Variants in TENM3 observed in about 807,000 individuals in gnomAD.
TENM3 encodes the protein teneurin transmembrane protein 3, also known as teneurin-3.
In TENM3, 63 loss-of-function variants were observed where a neutral mutation model predicts 255.1. The ratio of observed to expected loss-of-function variants is 0.25; its 90% CI spans 0.20 to 0.30. The LOEUF (loss-of-function observed/expected upper bound fraction) is 0.30. TENM3 is among the 10% of genes least tolerant of loss of function. The pLI is 1.00. For missense variants in TENM3, 2,929 were observed against 3,461.1 expected (o/e 0.85, Z 3.86); for synonymous variants, 1,306 against 1,322.3 (o/e 0.99, Z 0.27).
chr4:181,930,783 C>T, the TENM3 span, among the ~76,000 whole-genome samples: 370 of 152,230 alleles, frequency 2.4e-3, 2 homozygotes, highest in African/African-American at 8.3e-3. Context: ...ACTGGCAAAC[C>T]GAATCCAGCA....
At chr4:182,768,688 A>C (rs1490852048) in intron 22 of TENM3, among the ~76,000 whole-genome samples, 3 of 152,214 alleles carry the variant, frequency 2.0e-5, no homozygotes, top group African/African-American at 7.2e-5. Context: ...CCCACTACTT[A>C]GGAAACTTTA....
chr4:181,523,850 A>G, the TENM3 span, among the ~76,000 whole-genome samples: 15 of 152,226 alleles, frequency 9.9e-5, no homozygotes, highest in Non-Finnish European at 2.1e-4. Flanking sequence ...GCTACACAGA[A>G]AACCATCCTA....
intron 5 of TENM3, among the ~76,000 whole-genome samples, chr4:182,629,834 A>G (rs7669982): frequency 0.13 from 19,743 of 152,224 alleles, 1,991 homozygotes; most frequent in East Asian, 0.42. Flanking sequence ...TCCACTGGCT[A>G]CAATACTCCT....
chr4:182,064,498 GC>G, the TENM3 span, among the ~76,000 whole-genome samples: 6 of 152,072 alleles, frequency 3.9e-5, no homozygotes, highest in East Asian at 1.2e-3. Flanking sequence ...CAGGAGAATG[GC>G]GTGAACCCGG....
chr4:182,774,232 A>C (rs1325260577), intron 23 of TENM3, among the ~76,000 whole-genome samples: 1 of 152,206 alleles, frequency 6.6e-6, no homozygotes, highest in Non-Finnish European at 1.5e-5. Context: ...AACTCTAAGA[A>C]TAATTACTAA....
At chr4:182,416,518 T>C (rs1770371833) in intron 3 of TENM3, among the ~76,000 whole-genome samples, 1 of 152,230 alleles carries the variant, frequency 6.6e-6, no homozygotes, top group Non-Finnish European at 1.5e-5. Flanking sequence ...ATGATTGTTT[T>C]TATTTCAGTT....
chr4:182,196,748 T>C lies in TENM3; in HGVS notation c.-76+51994T>C, dbSNP rs1220716923. Among the ~76,000 whole-genome samples the C allele has an allele frequency of 2.6e-5, 4 of 152,214 alleles. No individual in the cohort carries two copies. In the East Asian group the frequency reaches 7.7e-4, roughly 29 times the overall value. On this transcript the variant is annotated intron_variant, in intron 1 of 2. Coordinates refer to the TENM3 transcript ENST00000512480. ...ATCATTAAAGTTTTTCTTTTTCTTC[T>C]TTGTAACATTTTCTACACATTTGAA...
intron 3 of TENM3, among the ~76,000 whole-genome samples, chr4:182,369,678 C>G (rs1180525890): frequency 6.6e-6 from 1 of 152,046 alleles, no homozygotes; most frequent in Non-Finnish European, 1.5e-5. Context: ...GTCAGGAGCT[C>G]GAGACCAGCT....
the TENM3 span, among the ~76,000 whole-genome samples, chr4:181,644,488 T>C: frequency 6.6e-6 from 1 of 152,024 alleles, no homozygotes; most frequent in Non-Finnish European, 1.5e-5. Flanking sequence ...AGATGAAAGA[T>C]AATCAAATTC....
chr4:182,482,141 A>G (rs1049894836), intron 3 of TENM3, among the ~76,000 whole-genome samples: 2 of 152,232 alleles, frequency 1.3e-5, no homozygotes, highest in Non-Finnish European at 2.9e-5. Flanking sequence ...TCTATAACTT[A>G]TAAAAATAAT....
the TENM3 span, among the ~76,000 whole-genome samples, chr4:181,532,323 G>A: frequency 6.6e-6 from 1 of 152,112 alleles, no homozygotes; most frequent in Non-Finnish European, 1.5e-5. Flanking sequence ...CCAGGATTAG[G>A]ACCCTGCCAG....
intron 4 of TENM3, among the ~76,000 whole-genome samples, chr4:182,625,162 A>G (rs1269503503): frequency 2.0e-5 from 3 of 152,210 alleles, no homozygotes; most frequent in Non-Finnish European, 1.5e-5. Flanking sequence ...GCTCAGGTCC[A>G]TCGGTGATAC....
At chr4:182,656,472 G>A (rs903820375) in intron 6 of TENM3, among the ~76,000 whole-genome samples, 2 of 152,124 alleles carry the variant, frequency 1.3e-5, no homozygotes, top group East Asian at 3.9e-4. Context: ...TTTACAAGGA[G>A]GGAGGTAGCT....
the TENM3 span, among the ~76,000 whole-genome samples, chr4:182,067,074 T>G: frequency 6.6e-6 from 1 of 152,102 alleles, no homozygotes; most frequent in African/African-American, 2.4e-5. Context: ...AGTCCGAGGG[T>G]CCTTTCTGTC....
At chr4:181,780,596 C>G in the TENM3 span, among the ~76,000 whole-genome samples, 1 of 152,122 alleles carries the variant, frequency 6.6e-6, no homozygotes, top group Non-Finnish European at 1.5e-5. Flanking sequence ...TGCCTGTTCG[C>G]TCTGATGGTA....
chr4:182,262,814 C>T (rs765276992), intron 1 of TENM3, among the ~76,000 whole-genome samples: 3 of 150,346 alleles, frequency 2.0e-5, no homozygotes, highest in Non-Finnish European at 4.4e-5. Context: ...CCCGGGTTCA[C>T]GCCATTCTCC....
At chr4:182,547,663 G>A (rs145868785) in intron 3 of TENM3, among the ~76,000 whole-genome samples, 3 of 152,194 alleles carry the variant, frequency 2.0e-5, no homozygotes, top group Admixed American at 2.0e-4. Flanking sequence ...CTCACTCACT[G>A]GTGCAGTTTC....
At chr4:181,830,056 C>T in the TENM3 span, 1 of 152,180 alleles carries the variant, frequency 6.6e-6, no homozygotes, top group African/African-American at 2.4e-5. Flanking sequence ...GAGAAAAGCA[C>T]ACTAGTAATT....
At chr4:181,547,130 G>A in the TENM3 span, among the ~76,000 whole-genome samples, 104 of 152,136 alleles carry the variant, frequency 6.8e-4, no homozygotes, top group African/African-American at 2.2e-3. Flanking sequence ...AGGCAGAAAA[G>A]CAGAACAAAA....
Sources: gnomAD v4.1 joint callset for allele counts (sites outside exome capture counted in the v4.1 genomes callset) on GRCh38, gnomAD v4.1.1 for gene constraint, MANE v1.5 for transcripts, NCBI Gene and HGNC (gene_info 2026-07-23, HGNC 2026-07-21) for gene names.